The following BIRC6 variants were observed in gnomAD, a reference collection of about 807,000 sequenced individuals.
BIRC6 encodes the protein dual E2 ubiquitin-conjugating enzyme/E3 ubiquitin-protein ligase BIRC6.
In BIRC6, 98 loss-of-function variants were observed where a neutral mutation model predicts 503.3. That is an observed-to-expected ratio of 0.19 (90% CI 0.17 to 0.23). The LOEUF is 0.23. Among genes scored for constraint, BIRC6 ranks in the 10% least tolerant of loss-of-function variants. BIRC6 has a pLI of 1.00. For synonymous variants in BIRC6, 2,240 were observed against 2,078.7 expected (o/e 1.08, Z -2.11); for missense variants, 5,360 against 5,806.0 (o/e 0.92, Z 2.50).
At chr2:32,493,025 T>G (rs558908210) in intron 44 of BIRC6, among the ~76,000 whole-genome samples, 7 of 151,846 alleles carry the variant, frequency 4.6e-5, no homozygotes, top group Admixed American at 4.6e-4. Context: ...AAAGCAGTTT[T>G]TTTTTTTTTT....
At position 32,450,648 on chromosome 2, in the gene BIRC6, C is replaced by T. The variant is rs150520868; in HGVS notation, c.4618+1720C>T. Among the ~76,000 whole-genome samples, 1,123 of 152,192 alleles carry T rather than the reference C, an allele frequency of 7.4e-3. 7 individuals are homozygous for T. Among genetic ancestry groups the T allele is most frequent in the Middle Eastern group, 0.014 (4 of 294 alleles). ...ACATTGAGGATATCACCATATGGCA[C>T]CTATTTTTCCACCAGTGTATGCAGT... On this transcript the variant is annotated intron_variant, in intron 22 of 73. Coordinates refer to ENST00000421745, the MANE Select transcript of BIRC6 (RefSeq NM_016252.4).
chr2:32,509,517 T>C (rs922784955), intron 51 of BIRC6, among the ~76,000 whole-genome samples: 3 of 152,156 alleles, frequency 2.0e-5, no homozygotes, highest in Admixed American at 2.0e-4. Flanking sequence ...CCTCCCAAAG[T>C]GCTGAGATTA....
At position 32,524,991 on chromosome 2, in the gene BIRC6, A is replaced by G. The variant is rs1572808076; in HGVS notation, c.11727A>G (p.Gln3909=). 5.7e-6 allele frequency: 9 copies of G among 1,571,194 alleles called. No individual in the cohort carries two copies. Among genetic ancestry groups the G allele is most frequent in the Non-Finnish European group, 6.9e-6 (8 of 1,161,324 alleles). ...AAGTTAAAGCGGAAAATGGATTTCA[A>G]GACAATTACAGTGTTGTTGTTGCCT... ...KEKVKAENGF[Q]DNYSVVVASG... The change falls in exon 58 of 74, where the codon CAA becomes CAG. Residue 3909 remains glutamine (Q), a synonymous_variant. Coordinates refer to ENST00000421745, the MANE Select transcript of BIRC6 (RefSeq NM_016252.4).
rs199795136 is a variant in BIRC6, at chr2:32,515,379, T to A, written c.10958T>A (p.Ile3653Asn). The A allele has an allele frequency of 1.1e-5, 18 of 1,613,644 alleles. No homozygotes were observed. The highest frequency in any genetic ancestry group is 1.5e-5 in the Non-Finnish European group (18 of 1,179,890). The stretch of plus-strand genomic sequence containing the variant: ...AGCCACATTTCTAGCTCAGAAAGCA[T>A]TGCCCAGTCAATAGATATTTCCCAG... Reference protein sequence around the residue: ...CFSHISSSESIAQSIDISQDK... With the variant: ...CFSHISSSESNAQSIDISQDK... Residue 3653 changes from isoleucine to asparagine, a missense_variant, in exon 55 of 74, where the codon ATT (isoleucine) becomes AAT (asparagine). Coordinates refer to ENST00000421745, the MANE Select transcript of BIRC6 (RefSeq NM_016252.4).
chr2:32,491,081 C>G (rs2051643288), intron 43 of BIRC6, among the ~76,000 whole-genome samples: 1 of 152,118 alleles, frequency 6.6e-6, no homozygotes, highest in Admixed American at 6.5e-5. Flanking sequence ...TTAAAGTTTA[C>G]CTGAAAAGTA....
chr2:32,365,350 C>T (rs1219032020), intron 1 of BIRC6, among the ~76,000 whole-genome samples: 3 of 140,286 alleles, frequency 2.1e-5, no homozygotes, highest in Non-Finnish European at 3.0e-5. Context: ...TTTGAGAGGT[C>T]GCCCTGTCGC....
In BIRC6 at chr2:32,504,034, T is replaced by TTGTGTGTGTGTG. The variant is rs556051105; in HGVS notation, c.9499+830_9499+841dup. 3.9e-3 allele frequency among the ~76,000 whole-genome samples: 307 copies of TTGTGTGTGTGTG among 78,246 alleles called. 6 individuals carry two copies. Among genetic ancestry groups the TTGTGTGTGTGTG allele is most frequent in the Admixed American group, 0.011 (60 of 5,624 alleles). The allele number at this position is 78,246 out of a possible 152,430, so 51.3% of individuals were successfully genotyped here. ...ACTGGGGCGGGGGGTGGGGGGGTGT[T>TTGTGTGTGTGTG]TGTGTGTGTGTGTGTGTGTGTGTGT... is the stretch of plus-strand genomic sequence containing the variant. On this transcript the variant is annotated intron_variant, in intron 49 of 73. Transcript: ENST00000421745.
At chr2:32,419,394 T>C (rs1482225253) in intron 10 of BIRC6, among the ~76,000 whole-genome samples, 1 of 152,166 alleles carries the variant, frequency 6.6e-6, no homozygotes, top group Non-Finnish European at 1.5e-5. Flanking sequence ...TTTGTTAAGC[T>C]ATCTTTGATA....
rs185239371 is a variant in BIRC6, at chr2:32,482,708, C to T, written c.7696+126C>T. 9.6e-6 allele frequency: 9 copies of T among 939,252 alleles called. No individual in the cohort carries two copies. In the East Asian group the frequency reaches 1.3e-4, roughly 14 times the overall value. The allele number at this position is 939,252 out of a possible 1,614,324, so 58.2% of individuals were successfully genotyped here. A position where few individuals can be genotyped will look rare whatever the true frequency, so the allele number is the denominator to read the frequency against. On this transcript the variant is annotated intron_variant, in intron 39 of 73. Coordinates refer to ENST00000421745, the MANE Select transcript of BIRC6 (RefSeq NM_016252.4). ...AGTGGGTTTAGTATCACAGCTGTGC[C>T]GTGAGTACCATTCAGAGCTGTTTCT...
Position 32,467,568 on chromosome 2 carries a change from G to A in BIRC6, c.5400G>A (p.Leu1800=). ...FVTLDFGRPI[L]LTDVLIPTCG... is the part of the protein sequence containing the mutation. ...CCTTGGATTTTGGGAGGCCTATATT[G>A]TTGACTGATGTATTGATTCCCACTT... is the stretch of plus-strand genomic sequence containing the variant. The change falls in exon 27 of 74, where the codon TTG becomes TTA. Residue 1800 remains leucine, a synonymous_variant. Coordinates refer to ENST00000421745, the MANE Select transcript of BIRC6 (RefSeq NM_016252.4). The A allele has an allele frequency of 6.2e-7, 1 of 1,613,922 alleles. No homozygotes were observed. The highest frequency in any genetic ancestry group is 8.5e-7 in the Non-Finnish European group (1 of 1,179,864).
At chr2:32,462,558 A>G (rs1397645722) in intron 23 of BIRC6, among the ~76,000 whole-genome samples, 1 of 152,172 alleles carries the variant, frequency 6.6e-6, no homozygotes, top group East Asian at 1.9e-4. Flanking sequence ...TGTTGTTGCA[A>G]TAAGAAAACT....
intron 1 of BIRC6, among the ~76,000 whole-genome samples, chr2:32,369,661 C>T (rs942090791): frequency 2.0e-5 from 3 of 151,754 alleles, no homozygotes; most frequent in Non-Finnish European, 2.9e-5. Flanking sequence ...CTCCTGACCT[C>T]AAGTGATCCG....
chr2:32,468,886 T>C, intron 29 of BIRC6, 103 bp downstream of exon 29: 4 of 938,554 alleles, frequency 4.3e-6, no homozygotes, highest in Non-Finnish European at 6.1e-6. Context: ...TAAATTTTGG[T>C]ATTTTAAAAA....
intron 65 of BIRC6, among the ~76,000 whole-genome samples, chr2:32,562,300 T>G (rs887164951): frequency 1.3e-5 from 2 of 152,208 alleles, no homozygotes; most frequent in African/African-American, 4.8e-5. Context: ...TATAATTTTA[T>G]CTAAATTGCT....
intron 3 of BIRC6, among the ~76,000 whole-genome samples, chr2:32,386,378 T>A (rs987440132): frequency 6.6e-6 from 1 of 152,116 alleles, no homozygotes; most frequent in Non-Finnish European, 1.5e-5. Flanking sequence ...TCAAGATTCA[T>A]TTACAACAGT....
In BIRC6 at chr2:32,488,597, C is replaced by T; in HGVS notation, c.7978C>T (p.Leu2660Phe). 6.6e-7 allele frequency: 1 copy of T among 1,523,934 alleles called. No individual in the cohort carries two copies. Among genetic ancestry groups the T allele is most frequent in the East Asian group, 2.5e-5 (1 of 40,540 alleles). The allele number at this position is 1,523,934 out of a possible 1,614,324, so 94.4% of individuals were successfully genotyped here. ...TTTCATTCTTTTTCAGTTGGAGTCA[C>T]TTCTCCAATTGTGGCTCACACTGAG... The part of the protein sequence containing the change: ...LQVHHVQLES[L>F]LQLWLTLSLN... The change falls in exon 42 of 74, where the codon CTT (leucine) becomes TTT (phenylalanine). Residue 2660 changes from leucine (L) to phenylalanine (F), a missense_variant. Leu to Phe is a conservative substitution (Grantham distance 22, BLOSUM62 0). This residue lies in a region of BIRC6 where 2,299 missense variants were observed against 2,267.2 expected (regional missense o/e 1.01). Transcript: ENST00000421745.
intron 2 of BIRC6, chr2:32,379,570 G>A (rs891709872): frequency 2.0e-5 from 3 of 152,090 alleles, no homozygotes; most frequent in Non-Finnish European, 4.4e-5. Flanking sequence ...ATTGTTTGTA[G>A]ATCTTCCAGC....
Position 32,414,837 on chromosome 2 carries a change from C to T in BIRC6, c.1546C>T (p.Pro516Ser). 1 of 1,613,896 alleles carries T rather than the reference C, an allele frequency of 6.2e-7. No individual in the cohort carries two copies. Among genetic ancestry groups the T allele is most frequent in the South Asian group, 1.1e-5 (1 of 91,070 alleles). The stretch of plus-strand genomic sequence containing the variant: ...AACAGCACTCAGCATTCTCCAACAG[C>T]CAGAAAAACTTCAGTGGGAGATTGT... The part of the protein sequence containing the change: ...DITALSILQQ[P>S]EKLQWEIVAN... The change falls in exon 10 of 74, where the codon CCA becomes TCA. Residue 516 changes from proline (P) to serine (S), a missense_variant. Physicochemically the swap from Pro to Ser is moderately conservative, Grantham distance 74. Transcript: ENST00000421745.
At chr2:32,435,968 T>C in intron 14 of BIRC6, 85 bp from the exon 15 acceptor site, 1 of 767,052 alleles carries the variant, frequency 1.3e-6, no homozygotes, top group Non-Finnish European at 1.9e-6. Context: ...GGTGGTATTA[T>C]ATGTAAATGG....
Sources: gnomAD v4.1 joint callset for allele counts (sites outside exome capture counted in the v4.1 genomes callset) on GRCh38, gnomAD v4.1.1 for gene constraint, gnomAD v4.1.1 regional missense constraint, MANE v1.5 for transcripts, NCBI Gene and HGNC (gene_info 2026-07-23, HGNC 2026-07-21) for gene names.